Variants in LIMCH1 observed in about 807,000 individuals in gnomAD.
The protein encoded by LIMCH1 is LIM and calponin homology domains 1.
Under a neutral mutation model 176.5 loss-of-function variants are expected in LIMCH1, and 113 were observed. That is an observed-to-expected ratio of 0.64 (90% confidence interval 0.55 to 0.75). LIMCH1 has a LOEUF of 0.75. Ranked by LOEUF, LIMCH1 falls within the 30% of genes least tolerant of loss-of-function variation. The pLI is 0.00. For synonymous variants in LIMCH1, 619 were observed against 645.9 expected (o/e 0.96, Z 0.63); for missense variants, 1,674 against 1,814.9 (o/e 0.92, Z 1.41).
At chr4:41,522,484 T>C (rs1191593021) in intron 2 of LIMCH1, among the ~76,000 whole-genome samples, 1 of 152,148 alleles carries the variant, frequency 6.6e-6, no homozygotes, top group Non-Finnish European at 1.5e-5. Context: ...GCTTTTGAGT[T>C]GTCAACAACT....
rs182492276 is a variant in LIMCH1 at position 41,559,675 on chromosome 4, A to T, written c.-241+21325A>T. ...GATTAAACCTACTCTCAGGGTCACT[A>T]ACCCCCATCAGCTACCTCCTATGTG... is the stretch of plus-strand genomic sequence containing the variant. On this transcript the variant is annotated intron_variant, in intron 1 of 31. Coordinates refer to ENST00000503057, the MANE Select transcript of LIMCH1 (RefSeq NM_001330672.2). 2.3e-4 allele frequency among the ~76,000 whole-genome samples: 35 copies of T among 152,258 alleles called. 1 individual carries two copies. Among genetic ancestry groups the T allele is most frequent in the Admixed American group, 2.2e-3 (34 of 15,286 alleles).
chr4:41,662,554 AAACCGTG>A (rs2094661695), intron 19 of LIMCH1, among the ~76,000 whole-genome samples: 2 of 152,176 alleles, frequency 1.3e-5, no homozygotes, highest in South Asian at 2.1e-4. Context: ...ATTCAGATGT[AAACCGTG>A]ACCCTTACTA....
chr4:41,595,577 A>G (rs2088597180), intron 1 of LIMCH1, among the ~76,000 whole-genome samples: 1 of 152,136 alleles, frequency 6.6e-6, no homozygotes, highest in Non-Finnish European at 1.5e-5. Context: ...GAAATAATCC[A>G]TGTACATCCT....
intron 13 of LIMCH1, among the ~76,000 whole-genome samples, chr4:41,634,129 A>C (rs1460977037): frequency 1.3e-5 from 2 of 152,186 alleles, no homozygotes; most frequent in Non-Finnish European, 2.9e-5. Context: ...ACTTGATTTC[A>C]CTTTGATTCC....
intron 1 of LIMCH1, among the ~76,000 whole-genome samples, chr4:41,593,148 G>A (rs565640403): frequency 2.0e-5 from 3 of 152,320 alleles, no homozygotes; most frequent in Admixed American, 1.3e-4. Context: ...GAGGCCCTGG[G>A]AAGGTAGCAA....
chr4:41,453,385 TAGTC>T (rs1309400506), intron 1 of LIMCH1, among the ~76,000 whole-genome samples: 19 of 152,224 alleles, frequency 1.2e-4, no homozygotes, highest in African/African-American at 4.1e-4. Context: ...ACTGATAACA[TAGTC>T]AGTTAACATA....
At chr4:41,390,273 A>AGAGC (rs1302651496) in intron 1 of LIMCH1, among the ~76,000 whole-genome samples, 2 of 150,492 alleles carry the variant, frequency 1.3e-5, no homozygotes, top group Non-Finnish European at 3.0e-5. Context: ...AGAGAGAGAG[A>AGAGC]GCGAGAGCGC....
chr4:41,466,044 C>T lies in LIMCH1; in HGVS notation c.97-28492C>T, dbSNP rs984600616. The stretch of plus-strand genomic sequence containing the variant: ...CACGATCTGGGCTCACTGCAACCTC[C>T]GCCTGCTGGATTCAAGTGATTCTCC... On this transcript the variant is annotated intron_variant, in intron 1 of 26. Transcript: ENST00000313860. Among the ~76,000 whole-genome samples the T allele has an allele frequency of 3.3e-5, 5 of 151,452 alleles. No individual in the cohort carries two copies. The East Asian group carries it at 9.7e-4, about 29-fold the overall frequency.
At position 41,402,293 on chromosome 4, in the gene LIMCH1, T is replaced by G. The variant is rs1291279038; in HGVS notation, c.96+41357T>G. ...ACAATGAGATACCATCTCACACCAG[T>G]TAGAATGGCAATCATTAAAAAGTCA... On this transcript the variant is annotated intron_variant, in intron 1 of 26. Transcript: ENST00000313860. Among the ~76,000 whole-genome samples the G allele has an allele frequency of 5.3e-5, 8 of 151,834 alleles. No homozygotes were observed. In the East Asian group the frequency reaches 1.4e-3, roughly 26 times the overall value.
chr4:41,656,898 T>G (rs2094479688), intron 18 of LIMCH1, among the ~76,000 whole-genome samples: 1 of 152,140 alleles, frequency 6.6e-6, no homozygotes, highest in African/African-American at 2.4e-5. Flanking sequence ...ACCCTCAGTC[T>G]CAGGAGGGTG....
intron 1 of LIMCH1, among the ~76,000 whole-genome samples, chr4:41,468,040 A>G (rs1250579414): frequency 6.6e-6 from 1 of 152,196 alleles, no homozygotes; most frequent in Non-Finnish European, 1.5e-5. Flanking sequence ...AGCTCTTTGG[A>G]AGCCTGAGAG....
chr4:41,608,862 A>C (rs770376367), intron 4 of LIMCH1, among the ~76,000 whole-genome samples: 2 of 152,124 alleles, frequency 1.3e-5, no homozygotes, highest in Non-Finnish European at 2.9e-5. Flanking sequence ...TCTTTCTCTC[A>C]TCTCTTATCT....
intron 1 of LIMCH1, among the ~76,000 whole-genome samples, chr4:41,549,943 A>T (rs1396734159): frequency 6.6e-6 from 1 of 151,952 alleles, no homozygotes; most frequent in Non-Finnish European, 1.5e-5. Context: ...TTCTATTTCA[A>T]AGAATGCTGT....
intron 21 of LIMCH1, chr4:41,670,926 C>T: frequency 7.1e-7 from 1 of 1,402,414 alleles, no homozygotes; most frequent in East Asian, 2.7e-5. Context: ...TAGCAAAGAG[C>T]TAGTTCTTTT....
intron 1 of LIMCH1, among the ~76,000 whole-genome samples, chr4:41,485,907 C>A (rs1176538686): frequency 6.6e-6 from 1 of 152,058 alleles, no homozygotes; most frequent in South Asian, 2.1e-4. Context: ...TGGAAAAAGA[C>A]AATAGAATGC....
intron 24 of LIMCH1, 123 bp from the exon 25 acceptor site, chr4:41,680,832 T>C (rs1715081268): frequency 1.9e-6 from 1 of 531,550 alleles, no homozygotes. Flanking sequence ...TAAGACTTTT[T>C]AAAATGCCCT....
chr4:41,447,531 T>C (rs1380946814), intron 1 of LIMCH1, among the ~76,000 whole-genome samples: 1 of 152,244 alleles, frequency 6.6e-6, no homozygotes, highest in Non-Finnish European at 1.5e-5. Flanking sequence ...GTAATGGAGC[T>C]GGGAATTGCA....
chr4:41,686,205 A>G (rs1720632879), intron 28 of LIMCH1, among the ~76,000 whole-genome samples: 1 of 152,192 alleles, frequency 6.6e-6, no homozygotes, highest in Non-Finnish European at 1.5e-5. Context: ...GCTCTCCTGT[A>G]AGGTAATTAC....
At chr4:41,549,443 G>T (rs2080073604) in intron 1 of LIMCH1, among the ~76,000 whole-genome samples, 2 of 152,146 alleles carry the variant, frequency 1.3e-5, no homozygotes, top group South Asian at 4.2e-4. Flanking sequence ...CTGAACCCAG[G>T]AGGCTGATGC....
Sources: gnomAD v4.1 joint callset for allele counts (sites outside exome capture counted in the v4.1 genomes callset) on GRCh38, gnomAD v4.1.1 for gene constraint, MANE v1.5 for transcripts, NCBI Gene and HGNC (gene_info 2026-07-23, HGNC 2026-07-21) for gene names.